The following TRAF6 variants were observed in gnomAD, a reference collection of about 807,000 sequenced individuals.
The protein encoded by TRAF6 is TNF receptor-associated factor 6.
In TRAF6, 10 loss-of-function variants were observed where a neutral mutation model predicts 48.4. The observed-to-expected ratio is 0.21, with a 90% CI of 0.13 to 0.35. TRAF6 has a LOEUF of 0.35. Among genes scored for constraint, TRAF6 ranks in the 10% least tolerant of loss-of-function variants. The pLI is 1.00. For missense variants in TRAF6, 397 were observed against 661.0 expected (o/e 0.60, Z 4.38); for synonymous variants, 186 against 219.6 (o/e 0.85, Z 1.35).
In TRAF6 at chr11:36,485,176, T is replaced by C. The variant is rs983652603; in HGVS notation, c.*4662A>G. 6.6e-6 allele frequency among the ~76,000 whole-genome samples: 1 copy of C among 152,124 alleles called. No homozygotes were observed. The highest frequency in any genetic ancestry group is 1.5e-5 in the Non-Finnish European group (1 of 68,034). ...ATACAAGTCTTTCAACATTTCTGCA[T>C]GTTTGGGAAATTTCATCAAGTGCTG... On this transcript the variant is annotated 3_prime_UTR_variant, in exon 7 of 7. Transcript: ENST00000526995.
chr11:36,501,654 ATTAATG>A, intron 1 of TRAF6, 117 bp from the exon 2 acceptor site: 1 of 738,018 alleles, frequency 1.4e-6, no homozygotes, highest in African/African-American at 1.8e-5. Context: ...CATCAGCTGT[ATTAATG>A]TTATTTACAG....
At chr11:36,497,883 T>C (rs1459673084) in intron 3 of TRAF6, among the ~76,000 whole-genome samples, 1 of 150,954 alleles carries the variant, frequency 6.6e-6, no homozygotes, top group East Asian at 2.0e-4. Flanking sequence ...GTGACACTTG[T>C]ATTTTTTTTT....
At chr11:36,495,260 T>TTTTAAAGATAATAA (rs1554937169) in intron 4 of TRAF6, among the ~76,000 whole-genome samples, 2 of 152,372 alleles carry the variant, frequency 1.3e-5, no homozygotes, top group Middle Eastern at 3.4e-3. Flanking sequence ...TCCAGCTCTT[T>TTTTAAAGATAATAA]AAAAGAGCAG....
At chr11:36,493,441 T>C (rs1859589375) in intron 5 of TRAF6, among the ~76,000 whole-genome samples, 1 of 152,242 alleles carries the variant, frequency 6.6e-6, no homozygotes, top group Non-Finnish European at 1.5e-5. Flanking sequence ...TGGGCTGTAC[T>C]GCCTCTGTCC....
intron 1 of TRAF6, among the ~76,000 whole-genome samples, chr11:36,508,489 CAA>C (rs1859840022): frequency 6.6e-6 from 1 of 151,922 alleles, no homozygotes; most frequent in Admixed American, 6.6e-5. Context: ...GGATAATCCA[CAA>C]AAAGTTTGTC....
intron 5 of TRAF6, among the ~76,000 whole-genome samples, chr11:36,494,434 G>A (rs768924105): frequency 2.0e-5 from 3 of 152,068 alleles, no homozygotes; most frequent in Non-Finnish European, 4.4e-5. Context: ...AATGATGCCC[G>A]GTCAGTGGCC....
In TRAF6 at chr11:36,490,711, C is replaced by T; in HGVS notation, c.757-61G>A. On this transcript the variant is annotated intron_variant, in intron 6 of 6. Coordinates refer to ENST00000526995, the MANE Select transcript of TRAF6 (RefSeq NM_004620.4). This position sits in a 1 kb window ranked among gnomAD's most constrained non-coding sequence, Gnocchi z 6.4. The stretch of plus-strand genomic sequence containing the variant: ...ATACCGTGAGGAGTAGGAAAAGGAC[C>T]TGGCCAGGTCAAATAAGAAGTTTTC... The T allele has an allele frequency of 6.8e-7, 1 of 1,462,092 alleles. No individual in the cohort carries two copies. The highest frequency in any genetic ancestry group is 9.2e-7 in the Non-Finnish European group (1 of 1,083,946). 90.6% of individuals were successfully genotyped at this position (1,462,092 alleles called of 1,614,324 possible).
intron 1 of TRAF6, among the ~76,000 whole-genome samples, chr11:36,507,198 T>C (rs1318434002): frequency 0.014 from 705 of 50,258 alleles, 34 homozygotes; most frequent in African/African-American, 0.053. Context: ...TATATATACA[T>C]GTATTATACA....
chr11:36,492,448 C>T, intron 6 of TRAF6, 103 bp downstream of exon 6: 1 of 989,004 alleles, frequency 1.0e-6, no homozygotes, highest in Non-Finnish European at 1.5e-6. Context: ...ACTTATTACA[C>T]TGCTTTACAA....
intron 1 of TRAF6, among the ~76,000 whole-genome samples, chr11:36,502,977 A>G (rs1313097602): frequency 1.3e-5 from 2 of 152,214 alleles, no homozygotes; most frequent in African/African-American, 4.8e-5. Flanking sequence ...TTTTGTTGTC[A>G]CCACTTATCA....
At chr11:36,508,972 T>C (rs1859853336) in intron 1 of TRAF6, among the ~76,000 whole-genome samples, 1 of 152,212 alleles carries the variant, frequency 6.6e-6, no homozygotes, top group Non-Finnish European at 1.5e-5. Context: ...GCTGAAACTC[T>C]GATGTGATCC....
At chr11:36,505,137 A>G (rs1859767985) in intron 1 of TRAF6, among the ~76,000 whole-genome samples, 1 of 152,212 alleles carries the variant, frequency 6.6e-6, no homozygotes, top group African/African-American at 2.4e-5. Context: ...CACCAGCTGC[A>G]TTAGCCCCTA....
chr11:36,501,401 T>C lies in TRAF6; in HGVS notation c.115A>G (p.Thr39Ala), dbSNP rs1859713797. Reference protein sequence around the residue: ...AVTKDDSVGGTASTGNLSSSF... With the variant: ...AVTKDDSVGGAASTGNLSSSF... ...CTGGAGAGGTTCCCCGTGCTGGCAG[T>C]TCCACCCACACTATCATCTTTTGTT... is the stretch of plus-strand genomic sequence containing the variant. The change falls in exon 2 of 7, where the codon ACT becomes GCT. Residue 39 changes from threonine (T) to alanine (A), a missense_variant. Thr to Ala is a moderately conservative substitution (Grantham distance 58). This residue lies in a region of TRAF6 where 73 missense variants were observed against 87.3 expected (regional missense o/e 0.84). Transcript: ENST00000526995. The C allele has an allele frequency of 2.5e-6, 4 of 1,614,184 alleles. No homozygotes were observed. Among genetic ancestry groups the C allele is most frequent in the South Asian group, 1.1e-5 (1 of 91,084 alleles).
At chr11:36,504,347 TTTG>T (rs1859757979) in intron 1 of TRAF6, among the ~76,000 whole-genome samples, 1 of 151,566 alleles carries the variant, frequency 6.6e-6, no homozygotes, top group Non-Finnish European at 1.5e-5. Context: ...TTCTAAATCC[TTTG>T]TTGTTATTTC....
intron 1 of TRAF6, 111 bp from the exon 2 acceptor site, chr11:36,501,648 A>G: frequency 1.2e-6 from 1 of 811,070 alleles, no homozygotes; most frequent in Non-Finnish European, 1.8e-6. Context: ...CATGTACATC[A>G]GCTGTATTAA....
At chr11:36,509,296 C>A (rs922772377) in intron 1 of TRAF6, among the ~76,000 whole-genome samples, 1 of 152,210 alleles carries the variant, frequency 6.6e-6, no homozygotes, top group South Asian at 2.1e-4. Context: ...ACATTCAAGA[C>A]AGTCCTAACT....
intron 2 of TRAF6, 105 bp downstream of exon 2, chr11:36,501,114 GC>G: frequency 1.8e-6 from 2 of 1,124,000 alleles, no homozygotes; most frequent in Non-Finnish European, 2.4e-6. Context: ...TTCCTAAGTA[GC>G]TTTTTATGTG....
chr11:36,501,103 T>C, intron 2 of TRAF6, 117 bp downstream of exon 2: 1 of 1,050,136 alleles, frequency 9.5e-7, no homozygotes, highest in Non-Finnish European at 1.3e-6. Context: ...ATTGTTCTTT[T>C]TTCCTAAGTA....
intron 6 of TRAF6, among the ~76,000 whole-genome samples, chr11:36,491,394 T>C (rs1444740862): frequency 6.6e-6 from 1 of 152,210 alleles, no homozygotes; most frequent in East Asian, 1.9e-4. Flanking sequence ...CTAACTTCCA[T>C]TAACATTTTA....
Sources: gnomAD v4.1 joint callset for allele counts (sites outside exome capture counted in the v4.1 genomes callset) on GRCh38, gnomAD v4.1.1 for gene constraint, gnomAD v4.1.1 regional missense constraint, Gnocchi (gnomAD v3.1) non-coding constraint, MANE v1.5 for transcripts, NCBI Gene and HGNC (gene_info 2026-07-23, HGNC 2026-07-21) for gene names.